IMP3: variants seen among roughly 807,000 people sequenced by gnomAD.
IMP3 encodes U3 small nucleolar ribonucleoprotein IMP3.
IMP3 carries 17 observed loss-of-function variants against 10.2 expected under a neutral mutation model. The observed-to-expected ratio is 1.67, with a 90% CI of 1.14 to 2.50. The LOEUF (loss-of-function observed/expected upper bound fraction) is 2.50, where lower values mean the gene tolerates loss of function less well. Among genes scored for constraint, IMP3 ranks in the 30% most tolerant of loss-of-function variants. The pLI, the probability that IMP3 is intolerant of heterozygous loss-of-function variation, is 0.00. For missense variants in IMP3, 290 were observed against 260.2 expected, an observed-to-expected ratio of 1.11 and a Z score of -0.79; for synonymous variants, 167 against 120.1, an observed-to-expected ratio of 1.39 and a Z score of -2.55.
Position 75,639,541 on chromosome 15 carries a change from C to G in IMP3, c.*73G>C. The G allele has an allele frequency of 7.2e-7, 1 of 1,386,674 alleles. No individual in the cohort carries two copies. The highest frequency in any genetic ancestry group is 1.8e-4 in the Middle Eastern group (1 of 5,556). 85.9% of individuals were successfully genotyped at this position (1,386,674 alleles called of 1,614,324 possible). On this transcript the variant is annotated 3_prime_UTR_variant, in exon 1 of 1. Coordinates refer to ENST00000403490, the MANE Select transcript of IMP3 (RefSeq NM_018285.4). ...CGTCTGATACCCTTGAGGAGAGCACCCTCATAGAATCTCCAGCATCAGGCC... is the reference window on the plus strand; with the variant it reads ...CGTCTGATACCCTTGAGGAGAGCACGCTCATAGAATCTCCAGCATCAGGCC...
chr15:75,639,323 C>G lies in IMP3; in HGVS notation c.*291G>C. ...ATTTCCAGTTTTTCCTTTTACATTA[C>G]AAAGTTTCCAACACAAGAAGCCAAC... On this transcript the variant is annotated 3_prime_UTR_variant, in exon 1 of 1. Coordinates refer to ENST00000403490, the MANE Select transcript of IMP3 (RefSeq NM_018285.4). 2.4e-6 allele frequency: 1 copy of G among 411,188 alleles called. No individual in the cohort carries two copies. Among genetic ancestry groups the G allele is most frequent in the Non-Finnish European group, 4.4e-6 (1 of 227,438 alleles). 25.5% of individuals were successfully genotyped at this position (411,188 alleles called of 1,614,324 possible).
In IMP3 at chr15:75,639,835, G is replaced by C; in HGVS notation, c.334C>G (p.Pro112Ala). The change falls in exon 1 of 1, where the codon CCC becomes GCC. Residue 112 changes from proline to alanine, a missense_variant. Physicochemically the swap from Pro to Ala is conservative, Grantham distance 27. Coordinates refer to ENST00000403490, the MANE Select transcript of IMP3 (RefSeq NM_018285.4). ...ATGCGCAGCTTGAGGAGCACGGTGG[G>C]GAGGCGGCGGCGGCAGAAGGACGAG... ...TASSFCRRRLPTVLLKLRMAQ... is the reference protein window; with the variant it reads ...TASSFCRRRLATVLLKLRMAQ... The C allele has an allele frequency of 1.2e-6, 2 of 1,611,226 alleles. No homozygotes were observed. The highest frequency in any genetic ancestry group is 1.3e-5 in the African/African-American group (1 of 75,024).
chr15:75,639,959 C>A lies in IMP3; in HGVS notation c.210G>T (p.Gln70His). The change falls in exon 1 of 1, where the codon CAG (glutamine) becomes CAT (histidine). Residue 70 changes from glutamine (Q) to histidine (H), a missense_variant. By Grantham distance (24) the Gln-to-His change is conservative. Transcript: ENST00000403490. ...RRLRDLPERD[Q>H]FRVRASAALL... Reference sequence around the variant, plus strand: ...GCGCGGCCGAAGCGCGCACGCGGAACTGGTCGCGTTCGGGCAGGTCGCGCA... The same window carrying A: ...GCGCGGCCGAAGCGCGCACGCGGAAATGGTCGCGTTCGGGCAGGTCGCGCA... 2 of 1,606,128 alleles carry A rather than the reference C, an allele frequency of 1.2e-6. No homozygotes were observed. Among genetic ancestry groups the A allele is most frequent in the Non-Finnish European group, 8.5e-7 (1 of 1,176,902 alleles).
chr15:75,639,242 T>G lies in IMP3; in HGVS notation c.*372A>C. The stretch of plus-strand genomic sequence containing the variant: ...CCACGGCCAGGAGCAAGAATTCGAG[T>G]TAAACGAATTGAACCAGTCCAACCA... On this transcript the variant is annotated 3_prime_UTR_variant, in exon 1 of 1. Transcript: ENST00000403490. The G allele has an allele frequency of 7.7e-6, 2 of 258,136 alleles. No homozygotes were observed. The highest frequency in any genetic ancestry group is 2.3e-5 in the African/African-American group (1 of 43,218). 16.0% of individuals were successfully genotyped at this position (258,136 alleles called of 1,614,324 possible). A position where few individuals can be genotyped will look rare whatever the true frequency, so the allele number is the denominator to read the frequency against.
Position 75,639,980 on chromosome 15 carries a change from G to A in IMP3, c.189C>T (p.Arg63=), listed in dbSNP as rs764224741. The change falls in exon 1 of 1, where the codon CGC becomes CGT. Residue 63 remains arginine, a synonymous_variant. Transcript: ENST00000403490. ...RAVRELARRL[R]DLPERDQFRV... Reference sequence around the variant, plus strand: ...GGAACTGGTCGCGTTCGGGCAGGTCGCGCAGGCGCCGCGCCAGCTCACGCA... The same window carrying A: ...GGAACTGGTCGCGTTCGGGCAGGTCACGCAGGCGCCGCGCCAGCTCACGCA... The A allele has an allele frequency of 5.6e-6, 9 of 1,603,030 alleles. No individual in the cohort carries two copies. The highest frequency in any genetic ancestry group is 2.2e-5 in the South Asian group (2 of 90,202).
In IMP3 at chr15:75,639,542, C is replaced by G. The variant is rs373700434; in HGVS notation, c.*72G>C. ...GTCTGATACCCTTGAGGAGAGCACC[C>G]TCATAGAATCTCCAGCATCAGGCCT... On this transcript the variant is annotated 3_prime_UTR_variant, in exon 1 of 1. Coordinates refer to ENST00000403490, the MANE Select transcript of IMP3 (RefSeq NM_018285.4). The G allele has an allele frequency of 1.8e-4, 247 of 1,396,134 alleles. 1 individual carries two copies. In the African/African-American group the frequency reaches 3.2e-3, roughly 18 times the overall value. The allele number at this position is 1,396,134 out of a possible 1,614,324, so 86.5% of individuals were successfully genotyped here. A position where few individuals can be genotyped will look rare whatever the true frequency, so the allele number is the denominator to read the frequency against.
Position 75,639,538 on chromosome 15 carries a change from C to A in IMP3, c.*76G>T. The A allele has an allele frequency of 7.4e-7, 1 of 1,344,724 alleles. No homozygotes were observed. Among genetic ancestry groups the A allele is most frequent in the Non-Finnish European group, 1.1e-6 (1 of 942,518 alleles). 83.3% of individuals were successfully genotyped at this position (1,344,724 alleles called of 1,614,324 possible). ...GACCGTCTGATACCCTTGAGGAGAG[C>A]ACCCTCATAGAATCTCCAGCATCAG... On this transcript the variant is annotated 3_prime_UTR_variant, in exon 1 of 1. Transcript: ENST00000403490.
Position 75,639,662 on chromosome 15 carries a change from G to C in IMP3, c.507C>G (p.His169Gln), listed in dbSNP as rs1437617463. ...TWVDSSKIKR[H>Q]VLEYNEERDD... ...CGCGCTCCTCATTGTACTCTAGCAC[G>C]TGCCGCTTGATCTTGGACGAGTCCA... is the stretch of plus-strand genomic sequence containing the variant. The change falls in exon 1 of 1, where the codon CAC (histidine) becomes CAG (glutamine). Residue 169 changes from histidine to glutamine, a missense_variant. His to Gln is a conservative substitution (Grantham distance 24, BLOSUM62 0). Transcript: ENST00000403490. 11 of 1,613,808 alleles carry C rather than the reference G, an allele frequency of 6.8e-6. No individual in the cohort carries two copies. Among genetic ancestry groups the C allele is most frequent in the Non-Finnish European group, 9.3e-6 (11 of 1,180,052 alleles).
Position 75,639,287 on chromosome 15 carries a change from A to T in IMP3, c.*327T>A, listed in dbSNP as rs138825883. 367 of 343,574 alleles carry T rather than the reference A, an allele frequency of 1.1e-3. No homozygotes were observed. Among genetic ancestry groups the T allele is most frequent in the African/African-American group, 7.5e-3 (343 of 45,870 alleles). The allele number at this position is 343,574 out of a possible 1,614,324, so 21.3% of individuals were successfully genotyped here. A position where few individuals can be genotyped will look rare whatever the true frequency, so the allele number is the denominator to read the frequency against. On this transcript the variant is annotated 3_prime_UTR_variant, in exon 1 of 1. Coordinates refer to ENST00000403490, the MANE Select transcript of IMP3 (RefSeq NM_018285.4). ...CAACCACAAGACGATAAAGGGAAAC[A>T]GGGCGTGGGGATTTCCAGTTTTTCC... is the stretch of plus-strand genomic sequence containing the variant.
Position 75,639,951 on chromosome 15 carries a change from A to C in IMP3, c.218T>G (p.Val73Gly), listed in dbSNP as rs747785786. 2 of 1,606,468 alleles carry C rather than the reference A, an allele frequency of 1.2e-6. No individual in the cohort carries two copies. The highest frequency in any genetic ancestry group is 1.3e-5 in the African/African-American group (1 of 74,806). The change falls in exon 1 of 1, where the codon GTG becomes GGG. Residue 73 changes from valine (V) to glycine (G), a missense_variant. Coordinates refer to ENST00000403490, the MANE Select transcript of IMP3 (RefSeq NM_018285.4). ...RDLPERDQFRVRASAALLDKL... is the reference protein window; with the variant it reads ...RDLPERDQFRGRASAALLDKL... Reference sequence around the variant, plus strand: ...GTCCAGCAGCGCGGCCGAAGCGCGCACGCGGAACTGGTCGCGTTCGGGCAG... The same window carrying C: ...GTCCAGCAGCGCGGCCGAAGCGCGCCCGCGGAACTGGTCGCGTTCGGGCAG...
At position 75,639,575 on chromosome 15, in the gene IMP3, C is replaced by G; in HGVS notation, c.*39G>C. On this transcript the variant is annotated 3_prime_UTR_variant, in exon 1 of 1. Coordinates refer to ENST00000403490, the MANE Select transcript of IMP3 (RefSeq NM_018285.4). Reference sequence around the variant, plus strand: ...ATCTCCAGCATCAGGCCTCAGTTTTCCCATCTGTAAAAGACAGCCATGCAA... The same window carrying G: ...ATCTCCAGCATCAGGCCTCAGTTTTGCCATCTGTAAAAGACAGCCATGCAA... The G allele has an allele frequency of 6.3e-7, 1 of 1,581,552 alleles. No homozygotes were observed. Among genetic ancestry groups the G allele is most frequent in the Non-Finnish European group, 8.7e-7 (1 of 1,151,528 alleles).
In IMP3 at chr15:75,639,653, C is replaced by T. The variant is rs764461683; in HGVS notation, c.516G>A (p.Glu172=). 2 of 1,613,942 alleles carry T rather than the reference C, an allele frequency of 1.2e-6. No homozygotes were observed. The highest frequency in any genetic ancestry group is 1.1e-5 in the South Asian group (1 of 91,084). ...DSSKIKRHVL[E]YNEERDDFDL... is the part of the protein sequence containing the mutation. ...CGAAGTCATCGCGCTCCTCATTGTA[C>T]TCTAGCACGTGCCGCTTGATCTTGG... Residue 172 remains glutamate (E), a synonymous_variant, in exon 1 of 1, where the codon GAG becomes GAA. Transcript: ENST00000403490.
chr15:75,639,872 G>C lies in IMP3; in HGVS notation c.297C>G (p.Asp99Glu). ...GGCAGAAGGACGAGGCCGTGACGAA[G>C]TCGCAGAGCTCCAGCGAACCGCGCG... Reference protein sequence around the residue: ...VPTRGSLELCDFVTASSFCRR... With the variant: ...VPTRGSLELCEFVTASSFCRR... The change falls in exon 1 of 1, where the codon GAC (aspartate) becomes GAG (glutamate). Residue 99 changes from aspartate (D) to glutamate (E), a missense_variant. Asp to Glu is a conservative substitution (Grantham distance 45). Coordinates refer to ENST00000403490, the MANE Select transcript of IMP3 (RefSeq NM_018285.4). 1.2e-6 allele frequency: 2 copies of C among 1,611,666 alleles called. No individual in the cohort carries two copies. Among genetic ancestry groups the C allele is most frequent in the Non-Finnish European group, 1.7e-6 (2 of 1,179,370 alleles).
Position 75,640,126 on chromosome 15 carries a change from G to C in IMP3, c.43C>G (p.Gln15Glu), listed in dbSNP as rs1414248299. The change falls in exon 1 of 1, where the codon CAG becomes GAG. Residue 15 changes from glutamine (Q) to glutamate (E), a missense_variant. Coordinates refer to ENST00000403490, the MANE Select transcript of IMP3 (RefSeq NM_018285.4). ...LKFHEQKLLK[Q>E]VDFLNWEVTD... ...ACCTCCCAGTTCAGGAAGTCCACCT[G>C]CTTCAGCAGCTTCTGCTCGTGGAAC... is the stretch of plus-strand genomic sequence containing the variant. 1.3e-6 allele frequency: 2 copies of C among 1,575,950 alleles called. No homozygotes were observed. The highest frequency in any genetic ancestry group is 1.7e-6 in the Non-Finnish European group (2 of 1,157,268).
Position 75,639,979 on chromosome 15 carries a change from CGCGCAG to C in IMP3, c.184_189del (p.Leu62_Arg63del), listed in dbSNP as rs1893404200. On this transcript the variant is annotated inframe_deletion, in exon 1 of 1. Transcript: ENST00000403490. The stretch of plus-strand genomic sequence containing the variant: ...CGGAACTGGTCGCGTTCGGGCAGGT[CGCGCAG>C]GCGCCGCGCCAGCTCACGCACGGCA... The C allele has an allele frequency of 6.2e-7, 1 of 1,603,032 alleles. No homozygotes were observed. Among genetic ancestry groups the C allele is most frequent in the Admixed American group, 1.7e-5 (1 of 58,706 alleles).
In IMP3 at chr15:75,639,833, G is replaced by A. The variant is rs772708777; in HGVS notation, c.336C>T (p.Pro112=). Residue 112 remains proline, a synonymous_variant, in exon 1 of 1, where the codon CCC becomes CCT. Transcript: ENST00000403490. ...TASSFCRRRL[P]TVLLKLRMAQ... ...CCATGCGCAGCTTGAGGAGCACGGTGGGGAGGCGGCGGCGGCAGAAGGACG... is the reference window on the plus strand; with the variant it reads ...CCATGCGCAGCTTGAGGAGCACGGTAGGGAGGCGGCGGCGGCAGAAGGACG... 1 of 1,611,198 alleles carries A rather than the reference G, an allele frequency of 6.2e-7. No individual in the cohort carries two copies. The highest frequency in any genetic ancestry group is 8.5e-7 in the Non-Finnish European group (1 of 1,179,114).
chr15:75,639,880 G>GCT lies in IMP3; in HGVS notation c.287_288dup (p.Leu97SerfsTer76). 1 of 1,611,548 alleles carries GCT rather than the reference G, an allele frequency of 6.2e-7. No homozygotes were observed. Among genetic ancestry groups the GCT allele is most frequent in the Non-Finnish European group, 8.5e-7 (1 of 1,179,370 alleles). On this transcript the variant is annotated frameshift_variant, in exon 1 of 1. Coordinates refer to ENST00000403490, the MANE Select transcript of IMP3 (RefSeq NM_018285.4). LOFTEE classifies it high-confidence loss of function. ...GACGAGGCCGTGACGAAGTCGCAGAGCTCCAGCGAACCGCGCGTGGGCACC... is the reference window on the plus strand; with the variant it reads ...GACGAGGCCGTGACGAAGTCGCAGAGCTCTCCAGCGAACCGCGCGTGGGCACC...
In IMP3 at chr15:75,639,817, G is replaced by C. The variant is rs773874496; in HGVS notation, c.352C>G (p.Leu118Val). Residue 118 changes from leucine to valine, a missense_variant, in exon 1 of 1, where the codon CTG becomes GTG. Physicochemically the swap from Leu to Val is conservative, Grantham distance 32 (BLOSUM62 1). Transcript: ENST00000403490. ...GCCTGAAGGTGCTGCGCCATGCGCA[G>C]CTTGAGGAGCACGGTGGGGAGGCGG... ...RRRLPTVLLK[L>V]RMAQHLQAAV... 2.3e-5 allele frequency: 37 copies of C among 1,611,370 alleles called. No homozygotes were observed. The highest frequency in any genetic ancestry group is 1.1e-4 in the East Asian group (5 of 44,878).
chr15:75,639,102 C>T lies in IMP3; in HGVS notation c.*512G>A, dbSNP rs1893385423. On this transcript the variant is annotated 3_prime_UTR_variant, in exon 1 of 1. Transcript: ENST00000403490. ...CAGACAGATTAAAAAGTTGCACTTACAAAGCAGTTGGGGCATTTATTGACA... is the reference window on the plus strand; with the variant it reads ...CAGACAGATTAAAAAGTTGCACTTATAAAGCAGTTGGGGCATTTATTGACA... 1 of 156,408 alleles carries T rather than the reference C, an allele frequency of 6.4e-6. No homozygotes were observed. The highest frequency in any genetic ancestry group is 2.4e-5 in the African/African-American group (1 of 41,452). The allele number at this position is 156,408 out of a possible 1,614,324, so 9.7% of individuals were successfully genotyped here.
Sources: allele counts gnomAD v4.1 joint callset, GRCh38; gene constraint gnomAD v4.1.1; transcripts MANE v1.5; gene names NCBI Gene and HGNC (gene_info 2026-07-23, HGNC 2026-07-21).